TMC5: variants seen among roughly 807,000 people sequenced by gnomAD.
TMC5 encodes the protein transmembrane channel like 5, also known as transmembrane channel-like protein 5.
In TMC5, 86 loss-of-function variants were observed where a neutral mutation model predicts 110.5. The observed-to-expected ratio is 0.78, with a 90% confidence interval of 0.65 to 0.93. The LOEUF (loss-of-function observed/expected upper bound fraction) is 0.93. Ranked by LOEUF, TMC5 falls within the 40% of genes least tolerant of loss-of-function variation. The probability of loss-of-function intolerance (pLI) is 0.00; values close to 1 mark genes in which losing one functional copy is unlikely to be tolerated. For missense variants in TMC5, 1,144 were observed against 1,222.8 expected (o/e 0.94, Z 0.96); for synonymous variants, 455 against 439.5 (o/e 1.04, Z -0.44).
intron 8 of TMC5, among the ~76,000 whole-genome samples, chr16:19,464,886 T>TAAA (rs371309841): frequency 6.8e-6 from 1 of 148,044 alleles, no homozygotes; most frequent in Non-Finnish European, 1.5e-5. Context: ...ACATACTTGA[T>TAAA]AAAAAAAAAA....
intron 19 of TMC5, among the ~76,000 whole-genome samples, chr16:19,493,462 TC>T (rs201904942): frequency 7.1e-4 from 36 of 50,376 alleles, no homozygotes; most frequent in African/African-American, 2.3e-3. Context: ...TCTCTCTCTC[TC>T]TCTTTTTTTT....
chr16:19,487,256 T>G lies in TMC5; in HGVS notation c.2503T>G (p.Phe835Val), dbSNP rs748630520. ...CTGGCGGGCCTCACAGATGATGACTTTCTTCATCTTCTTGCTCTTTTTCCC... is the reference window on the plus strand; with the variant it reads ...CTGGCGGGCCTCACAGATGATGACTGTCTTCATCTTCTTGCTCTTTTTCCC... ...KAWRASQMMT[F>V]FIFLLFFPSF... The change falls in exon 17 of 22, where the codon TTC (phenylalanine) becomes GTC (valine). Residue 835 changes from phenylalanine to valine, a missense_variant. Transcript: ENST00000542583. 1 of 1,613,978 alleles carries G rather than the reference T, an allele frequency of 6.2e-7. No homozygotes were observed.
At chr16:19,451,753 C>T (rs1171725766) in intron 5 of TMC5, among the ~76,000 whole-genome samples, 1 of 152,006 alleles carries the variant, frequency 6.6e-6, no homozygotes, top group Non-Finnish European at 1.5e-5. Context: ...GACTATATAC[C>T]TCCTTCAGAC....
chr16:19,461,205 G>A (rs1968012984), intron 6 of TMC5, among the ~76,000 whole-genome samples: 2 of 152,152 alleles, frequency 1.3e-5, no homozygotes, highest in African/African-American at 4.8e-5. Context: ...CTAGCGAGTG[G>A]TATATGGAAG....
chr16:19,433,296 T>C (rs893282055), intron 2 of TMC5, among the ~76,000 whole-genome samples: 5 of 152,246 alleles, frequency 3.3e-5, no homozygotes, highest in African/African-American at 1.2e-4. Flanking sequence ...GGAATATCAC[T>C]GGTTCCCATG....
intron 17 of TMC5, among the ~76,000 whole-genome samples, chr16:19,489,536 G>T (rs1013816615): frequency 6.6e-6 from 1 of 151,718 alleles, no homozygotes. Flanking sequence ...GGGTTTCACC[G>T]TGTTAGCCAG....
chr16:19,431,992 A>C (rs1967205917), intron 2 of TMC5, among the ~76,000 whole-genome samples: 1 of 152,184 alleles, frequency 6.6e-6, no homozygotes, highest in Admixed American at 6.5e-5. Flanking sequence ...AATCCTTAGC[A>C]ATTCTGGCTG....
chr16:19,464,887 A>T (rs936611970), intron 8 of TMC5, among the ~76,000 whole-genome samples: 5 of 147,198 alleles, frequency 3.4e-5, no homozygotes, highest in African/African-American at 7.4e-5. Flanking sequence ...CATACTTGAT[A>T]AAAAAAAAAC....
Position 19,452,999 on chromosome 16 carries a change from T to C in TMC5, c.1048+3368T>C, listed in dbSNP as rs183255607. On this transcript the variant is annotated intron_variant, in intron 5 of 21. Coordinates refer to ENST00000542583, the MANE Select transcript of TMC5 (RefSeq NM_001261841.2). ...CCAGGAACCACGGGTGGGAAAAAAT[T>C]ATATATATATATTATATATATATAT... 1.0e-4 allele frequency among the ~76,000 whole-genome samples: 11 copies of C among 106,810 alleles called. No homozygotes were observed. The Admixed American group carries it at 1.2e-3, about 12-fold the overall frequency. 70.1% of individuals were successfully genotyped at this position (106,810 alleles called of 152,430 possible).
intron 17 of TMC5, among the ~76,000 whole-genome samples, chr16:19,489,527 G>A (rs1474920857): frequency 1.3e-5 from 2 of 151,912 alleles, no homozygotes; most frequent in Non-Finnish European, 2.9e-5. Context: ...GTAGAGACAG[G>A]GTTTCACCGT....
At chr16:19,481,865 C>T (rs925925451) in intron 15 of TMC5, among the ~76,000 whole-genome samples, 2 of 151,944 alleles carry the variant, frequency 1.3e-5, no homozygotes, top group African/African-American at 4.8e-5. Context: ...TGACATGGCC[C>T]TTAGGAATAG....
chr16:19,438,476 G>C (rs1451777589), intron 2 of TMC5, among the ~76,000 whole-genome samples: 3 of 76,512 alleles, frequency 3.9e-5, no homozygotes, highest in Non-Finnish European at 8.4e-5. Flanking sequence ...ACCAAGCATG[G>C]TGACTCATGC....
At chr16:19,446,497 C>T (rs796783934) in intron 4 of TMC5, among the ~76,000 whole-genome samples, 44 of 152,346 alleles carry the variant, frequency 2.9e-4, no homozygotes, top group African/African-American at 1.0e-3. Flanking sequence ...GTTTCCTATG[C>T]CCTGGAGTCT....
chr16:19,421,997 G>A (rs759984507), intron 1 of TMC5, among the ~76,000 whole-genome samples: 47 of 152,276 alleles, frequency 3.1e-4, no homozygotes, highest in Non-Finnish European at 4.7e-4. Context: ...TTGGAAGGCC[G>A]AGGTGGGCGG....
intron 18 of TMC5, 143 bp downstream of exon 18, chr16:19,490,711 TTTCCTTCCTTCCTTCCTTCCTTCCTTCC>T (rs150837460): frequency 1.5e-5 from 6 of 389,540 alleles, no homozygotes; most frequent in Admixed American, 8.4e-5. Context: ...GGTAGTTTTC[TTTCCTTCCTTCCTTCCTTCCTTCCTTCC>T]TTCCTTCCTT....
chr16:19,441,608 C>T (rs1330175833), intron 3 of TMC5, among the ~76,000 whole-genome samples: 1 of 151,916 alleles, frequency 6.6e-6, no homozygotes. Flanking sequence ...TGCACCACTT[C>T]TGATTTTTAC....
At chr16:19,460,111 TTTGAGATCC>T in intron 5 of TMC5, 115 bp from the exon 6 acceptor site, 1 of 595,502 alleles carries the variant, frequency 1.7e-6, no homozygotes, top group East Asian at 3.0e-5. Flanking sequence ...CTTTGTGATC[TTTGAGATCC>T]CCAACTCCAT....
intron 2 of TMC5, among the ~76,000 whole-genome samples, chr16:19,435,434 A>G (rs11646732): frequency 0.85 from 129,008 of 151,756 alleles, 55,021 homozygotes; most frequent in South Asian, 0.91. Flanking sequence ...CCCGGGAGGC[A>G]GAGGTTGCAG....
At chr16:19,469,914 A>G (rs1419683363) in intron 10 of TMC5, 89 bp downstream of exon 10, 32 of 1,143,542 alleles carry the variant, frequency 2.8e-5, no homozygotes, top group Non-Finnish European at 3.7e-5. Flanking sequence ...TTTTTTTTTG[A>G]ATTGGAGTCT....
Sources: gnomAD v4.1 joint callset for allele counts (sites outside exome capture counted in the v4.1 genomes callset) on GRCh38, gnomAD v4.1.1 for gene constraint, MANE v1.5 for transcripts, NCBI Gene and HGNC (gene_info 2026-07-23, HGNC 2026-07-21) for gene names.